Variants in UMAD1 observed in about 807,000 individuals in gnomAD.
UMAD1 encodes the protein UBAP1-MVB12-associated (UMA) domain containing 1.
Under a neutral mutation model 6.1 loss-of-function variants are expected in UMAD1, and 8 were observed. The ratio of observed to expected loss-of-function variants is 1.30; its 90% CI spans 0.76 to 2.35. The LOEUF (loss-of-function observed/expected upper bound fraction) is 2.35. UMAD1 is among the 30% of genes most tolerant of loss of function. The pLI is 0.00. For missense variants in UMAD1, 130 were observed against 78.4 expected (o/e 1.66, Z -2.49); for synonymous variants, 56 against 31.4 (o/e 1.78, Z -2.61).
intron 2 of UMAD1, among the ~76,000 whole-genome samples, chr7:7,793,738 C>T (rs1782614934): frequency 6.6e-6 from 1 of 152,144 alleles, no homozygotes. Flanking sequence ...TGTGGGTTAG[C>T]ATTGTCTAAA....
chr7:7,874,176 A>G (rs970376251), intron 3 of UMAD1, among the ~76,000 whole-genome samples: 5 of 152,138 alleles, frequency 3.3e-5, no homozygotes, highest in African/African-American at 7.2e-5. Flanking sequence ...CCCACCGTCC[A>G]TTCCATCAGC....
At chr7:7,698,982 G>C (rs1366963182) in intron 2 of UMAD1, among the ~76,000 whole-genome samples, 2 of 149,294 alleles carry the variant, frequency 1.3e-5, no homozygotes, top group African/African-American at 5.0e-5. Flanking sequence ...AGCCCCCCAA[G>C]TATCTGGGAC....
At chr7:7,684,120 T>C (rs1407125276) in intron 2 of UMAD1, among the ~76,000 whole-genome samples, 1 of 152,244 alleles carries the variant, frequency 6.6e-6, no homozygotes, top group Non-Finnish European at 1.5e-5. Flanking sequence ...TAATGCAATG[T>C]AAATGCTATG....
intron 2 of UMAD1, among the ~76,000 whole-genome samples, chr7:7,730,856 G>C (rs777004708): frequency 1.3e-4 from 20 of 151,958 alleles, no homozygotes; most frequent in Non-Finnish European, 2.5e-4. Context: ...GTTGGGGCTG[G>C]ATAGGGGCAG....
intron 2 of UMAD1, among the ~76,000 whole-genome samples, chr7:7,754,445 A>G (rs984033101): frequency 6.6e-6 from 1 of 152,124 alleles, no homozygotes; most frequent in African/African-American, 2.4e-5. Flanking sequence ...CCATTTTTTA[A>G]TCGGATTATT....
chr7:7,722,881 C>T (rs1295703622), intron 2 of UMAD1, among the ~76,000 whole-genome samples: 2 of 152,168 alleles, frequency 1.3e-5, no homozygotes, highest in Non-Finnish European at 2.9e-5. Context: ...GCTGGGGACA[C>T]TGAGCTTGTA....
At chr7:7,687,046 T>C (rs28912734) in intron 2 of UMAD1, among the ~76,000 whole-genome samples, 181 of 152,300 alleles carry the variant, frequency 1.2e-3, no homozygotes, top group Middle Eastern at 0.01. Context: ...CTTTGAACTT[T>C]CCTTTGAACT....
intron 1 of UMAD1, among the ~76,000 whole-genome samples, chr7:7,665,777 G>T (rs1779434298): frequency 6.6e-6 from 1 of 150,872 alleles, no homozygotes; most frequent in African/African-American, 2.4e-5. Flanking sequence ...TATATAAATG[G>T]AATCATATAG....
intron 2 of UMAD1, among the ~76,000 whole-genome samples, chr7:7,702,547 CA>C (rs1348053149): frequency 6.6e-6 from 1 of 152,030 alleles, no homozygotes; most frequent in East Asian, 1.9e-4. Context: ...TTTTCATTTT[CA>C]TGTCATTTTC....
intron 3 of UMAD1, among the ~76,000 whole-genome samples, chr7:7,816,352 G>A (rs1783126534): frequency 6.6e-6 from 1 of 152,204 alleles, no homozygotes; most frequent in Non-Finnish European, 1.5e-5. Context: ...GCCTTCTCCT[G>A]TGAGGTCCAC....
intron 3 of UMAD1, among the ~76,000 whole-genome samples, chr7:7,820,791 G>T (rs1783227041): frequency 6.6e-6 from 1 of 152,024 alleles, no homozygotes. Context: ...TCATAAGCCA[G>T]TTTGGATTTA....
intron 2 of UMAD1, among the ~76,000 whole-genome samples, chr7:7,703,057 C>T (rs1780502476): frequency 6.6e-6 from 1 of 152,198 alleles, no homozygotes. Flanking sequence ...GTTAGTACTA[C>T]ACTGAGTTTA....
At chr7:7,799,300 A>C (rs1203479227) in intron 2 of UMAD1, among the ~76,000 whole-genome samples, 1 of 152,214 alleles carries the variant, frequency 6.6e-6, no homozygotes, top group Non-Finnish European at 1.5e-5. Context: ...TTTTCCTTGT[A>C]ATCATTTATT....
At chr7:7,802,372 G>A (rs62432846) in intron 3 of UMAD1, among the ~76,000 whole-genome samples, 1,971 of 98,116 alleles carry the variant, frequency 0.02, 22 homozygotes, top group Non-Finnish European at 0.029. Context: ...GCGAGACTCC[G>A]TCTCAAAAAA....
chr7:7,868,827 A>C (rs968106143), intron 3 of UMAD1, among the ~76,000 whole-genome samples: 1 of 152,086 alleles, frequency 6.6e-6, no homozygotes, highest in Non-Finnish European at 1.5e-5. Context: ...CTGGGTTTTT[A>C]TTTCTTTCTT....
chr7:7,768,508 A>C (rs549838020), intron 2 of UMAD1, among the ~76,000 whole-genome samples: 121 of 152,166 alleles, frequency 8.0e-4, no homozygotes, highest in African/African-American at 2.9e-3. Context: ...TCTTCTGCCT[A>C]TGCATTTCTG....
At chr7:7,861,351 C>T (rs529907640) in intron 3 of UMAD1, among the ~76,000 whole-genome samples, 1 of 152,218 alleles carries the variant, frequency 6.6e-6, no homozygotes, top group Non-Finnish European at 1.5e-5. Flanking sequence ...TCCTGCCATT[C>T]TGAATGGCCA....
chr7:7,694,222 T>C (rs1780250540), intron 2 of UMAD1, among the ~76,000 whole-genome samples: 1 of 152,156 alleles, frequency 6.6e-6, no homozygotes, highest in African/African-American at 2.4e-5. Flanking sequence ...TTGTACTTAT[T>C]GGTAACTTTT....
chr7:7,829,373 A>ATTCAGCATGTAATTT (rs1783416690), intron 3 of UMAD1, among the ~76,000 whole-genome samples: 2 of 152,202 alleles, frequency 1.3e-5, no homozygotes, highest in African/African-American at 4.8e-5. Context: ...GAATTTATTC[A>ATTCAGCATGTAATTT]TTCAGCATGT....
Sources: allele counts gnomAD v4.1 joint callset (sites outside exome capture counted in the v4.1 genomes callset), GRCh38; gene constraint gnomAD v4.1.1; transcripts MANE v1.5; gene names NCBI Gene and HGNC (gene_info 2026-07-23, HGNC 2026-07-21).